Variants in DACH1 observed in about 807,000 individuals in gnomAD.
DACH1 encodes dachshund family transcription factor 1.
Under a neutral mutation model 54.2 loss-of-function variants are expected in DACH1, and 12 were observed. That is an observed-to-expected ratio of 0.22 (90% CI 0.14 to 0.36). The LOEUF is 0.36. DACH1 is among the 10% of genes least tolerant of loss of function. The pLI, the probability that DACH1 is intolerant of heterozygous loss-of-function variation, is 1.00. For missense variants in DACH1, 805 were observed against 929.8 expected, an observed-to-expected ratio of 0.87 and a Z score of 1.75; for synonymous variants, 386 against 366.2, an observed-to-expected ratio of 1.05 and a Z score of -0.62.
At chr13:71,652,873 T>C (rs1284706725) in intron 2 of DACH1, among the ~76,000 whole-genome samples, 1 of 152,044 alleles carries the variant, frequency 6.6e-6, no homozygotes, top group African/African-American at 2.4e-5. Flanking sequence ...ATAGCAACAC[T>C]ACAAGAAATG....
chr13:71,735,612 CGTGTATATGGCATATGT>C (rs1456632146), intron 1 of DACH1, among the ~76,000 whole-genome samples: 1 of 148,740 alleles, frequency 6.7e-6, no homozygotes, highest in African/African-American at 2.5e-5. Flanking sequence ...ATGGGATATA[CGTGTATATGGCATATGT>C]GTATATGGGA....
chr13:71,632,416 ATT>A (rs34080454), intron 2 of DACH1, among the ~76,000 whole-genome samples: 22,574 of 124,464 alleles, frequency 0.18, 2,990 homozygotes, highest in East Asian at 0.76. Flanking sequence ...AACCCCACCC[ATT>A]TTTTTTTTTT....
intron 6 of DACH1, among the ~76,000 whole-genome samples, chr13:71,510,964 T>C (rs1880730779): frequency 6.6e-6 from 1 of 152,070 alleles, no homozygotes; most frequent in African/African-American, 2.4e-5. Context: ...ATTGAGTAAT[T>C]TTCCTAATAT....
chr13:71,668,342 A>C (rs1879986032), intron 2 of DACH1, among the ~76,000 whole-genome samples: 1 of 152,116 alleles, frequency 6.6e-6, no homozygotes, highest in Non-Finnish European at 1.5e-5. Flanking sequence ...ATATCCTTAC[A>C]TCCCAGGAAG....
intron 2 of DACH1, among the ~76,000 whole-genome samples, chr13:71,668,256 T>A (rs1879979889): frequency 6.6e-6 from 1 of 152,062 alleles, no homozygotes; most frequent in African/African-American, 2.4e-5. Context: ...TAACTTACAT[T>A]TGCATAGTTC....
At chr13:71,682,047 C>A in intron 1 of DACH1, 137 bp from the exon 2 acceptor site, 1 of 553,506 alleles carries the variant, frequency 1.8e-6, no homozygotes, top group South Asian at 2.5e-5. Context: ...ATGTAATAGA[C>A]TTCCATCACT....
intron 1 of DACH1, among the ~76,000 whole-genome samples, chr13:71,815,334 G>T (rs1405426599): frequency 1.3e-5 from 2 of 149,668 alleles, no homozygotes; most frequent in African/African-American, 2.4e-5. Flanking sequence ...GGGGTGGGCG[G>T]GGGGAGTAGC....
intron 3 of DACH1, among the ~76,000 whole-genome samples, chr13:71,613,671 G>A (rs1277460549): frequency 6.6e-6 from 1 of 152,120 alleles, no homozygotes; most frequent in African/African-American, 2.4e-5. Context: ...TGTTAAGGAT[G>A]AAACCTAATT....
chr13:71,461,029 A>G (rs932504289), intron 10 of DACH1, among the ~76,000 whole-genome samples: 5 of 152,042 alleles, frequency 3.3e-5, no homozygotes, highest in African/African-American at 1.2e-4. Flanking sequence ...CTGAACTCTT[A>G]GGGAAATACA....
At chr13:71,498,415 C>A (rs530840377) in intron 6 of DACH1, among the ~76,000 whole-genome samples, 1 of 152,214 alleles carries the variant, frequency 6.6e-6, no homozygotes, top group South Asian at 2.1e-4. Context: ...AGGGTTATAC[C>A]ACATCCATGA....
intron 2 of DACH1, among the ~76,000 whole-genome samples, chr13:71,641,240 T>G (rs753962944): frequency 3.3e-5 from 5 of 152,102 alleles, no homozygotes; most frequent in Non-Finnish European, 7.4e-5. Context: ...TACATATGTA[T>G]GAATATATGT....
In DACH1 at chr13:71,811,696, G is replaced by T. The variant is rs537227375; in HGVS notation, c.848+54226C>A. On this transcript the variant is annotated intron_variant, in intron 1 of 10. Coordinates refer to ENST00000613252, the MANE Select transcript of DACH1 (RefSeq NM_080759.6). The stretch of plus-strand genomic sequence containing the variant: ...CCTTTGCTGTTTCACCTGCCATGTT[G>T]GTGCAGAGAGCAAGTAACATGAAGG... 3.3e-5 allele frequency among the ~76,000 whole-genome samples: 5 copies of T among 152,262 alleles called. No individual in the cohort carries two copies. The South Asian group carries it at 1.0e-3, about 32-fold the overall frequency.
rs748058171 is a variant in DACH1 at position 71,866,526 on chromosome 13, TGCC to T, written c.241_243del (p.Gly81del). 2.2e-3 allele frequency: 2,711 copies of T among 1,221,546 alleles called. 26 individuals carry two copies. The African/African-American group carries it at 0.031, about 14-fold the overall frequency. 75.7% of individuals were successfully genotyped at this position (1,221,546 alleles called of 1,614,324 possible). On this transcript the variant is annotated inframe_deletion, in exon 1 of 11. Transcript: ENST00000613252. ...CCGCTGCTGCCGCCGCCGCCTCCGCTGCCGCCGCCGCCGCCGCCGCCGCCGGTA... is the reference window on the plus strand; with the variant it reads ...CCGCTGCTGCCGCCGCCGCCTCCGCTGCCGCCGCCGCCGCCGCCGCCGGTA...
chr13:71,520,663 A>G (rs1881532623), intron 6 of DACH1, among the ~76,000 whole-genome samples: 1 of 151,852 alleles, frequency 6.6e-6, no homozygotes. Flanking sequence ...AATTACATAT[A>G]AAATCAAGGA....
At chr13:71,691,529 G>A (rs1476636643) in intron 1 of DACH1, among the ~76,000 whole-genome samples, 1 of 151,084 alleles carries the variant, frequency 6.6e-6, no homozygotes, top group Non-Finnish European at 1.5e-5. Context: ...GTGAACCATG[G>A]CAATCTGGCT....
At chr13:71,836,241 T>C (rs1888778108) in intron 1 of DACH1, among the ~76,000 whole-genome samples, 1 of 152,008 alleles carries the variant, frequency 6.6e-6, no homozygotes, top group African/African-American at 2.4e-5. Context: ...TGGTAGGCTA[T>C]GAAGAATTCT....
At chr13:71,781,895 T>C (rs922614336) in intron 1 of DACH1, among the ~76,000 whole-genome samples, 1 of 152,174 alleles carries the variant, frequency 6.6e-6, no homozygotes, top group African/African-American at 2.4e-5. Flanking sequence ...TTGTGAACCT[T>C]TACATATGTT....
intron 1 of DACH1, among the ~76,000 whole-genome samples, chr13:71,722,779 C>T (rs1883286892): frequency 6.6e-6 from 1 of 152,108 alleles, no homozygotes; most frequent in Admixed American, 6.5e-5. Context: ...GTATGAACTT[C>T]AACTTTCTGG....
chr13:71,493,886 A>G (rs1219589501), intron 6 of DACH1, among the ~76,000 whole-genome samples: 1 of 152,184 alleles, frequency 6.6e-6, no homozygotes, highest in Non-Finnish European at 1.5e-5. Flanking sequence ...AATATCTGAA[A>G]AAGAATGAGT....
Sources: gnomAD v4.1 joint callset for allele counts (sites outside exome capture counted in the v4.1 genomes callset) on GRCh38, gnomAD v4.1.1 for gene constraint, MANE v1.5 for transcripts, NCBI Gene and HGNC (gene_info 2026-07-23, HGNC 2026-07-21) for gene names.